FMNL3: variants seen among roughly 807,000 people sequenced by gnomAD.
FMNL3 encodes the protein formin-like protein 3.
FMNL3 carries 57 observed loss-of-function variants against 119.6 expected under a neutral mutation model. That is an observed-to-expected ratio of 0.48 (90% CI 0.39 to 0.59). The LOEUF (loss-of-function observed/expected upper bound fraction) is 0.59. FMNL3 is among the 20% of genes least tolerant of loss of function. The pLI, the probability that FMNL3 is intolerant of heterozygous loss-of-function variation, is 0.00. For synonymous variants in FMNL3, 491 were observed against 507.3 expected (o/e 0.97, Z 0.43); for missense variants, 1,053 against 1,323.5 (o/e 0.80, Z 3.17).
intron 11 of FMNL3, 111 bp from the exon 12 acceptor site, chr12:49,653,985 T>C: frequency 7.0e-7 from 1 of 1,427,998 alleles, no homozygotes. Context: ...TCCCAAAGAG[T>C]TCCTGCTGCA....
At chr12:49,702,810 T>C (rs1288284692) in intron 1 of FMNL3, among the ~76,000 whole-genome samples, 1 of 152,132 alleles carries the variant, frequency 6.6e-6, no homozygotes. Flanking sequence ...AGTTCTATTC[T>C]AGCCTGAACT....
At chr12:49,704,029 G>C (rs1258616294) in intron 1 of FMNL3, among the ~76,000 whole-genome samples, 1 of 152,114 alleles carries the variant, frequency 6.6e-6, no homozygotes, top group Non-Finnish European at 1.5e-5. Context: ...ACTGCTGAGA[G>C]GTACAAACTT....
rs7979760 is a variant in FMNL3 at position 49,671,742 on chromosome 12, T to C, written c.127-3188A>G. Among the ~76,000 whole-genome samples the C allele has an allele frequency of 3.7e-3, 566 of 152,310 alleles. 1 individual carries two copies. The highest frequency in any genetic ancestry group is 0.012 in the African/African-American group (518 of 41,564). On this transcript the variant is annotated intron_variant, in intron 1 of 25. Transcript: ENST00000335154. ...CACAGTTCCGGTCTCAGTCAAAAGTTTGTTTCCTTGACATTTTTTCTTCAG... is the reference window on the plus strand; with the variant it reads ...CACAGTTCCGGTCTCAGTCAAAAGTCTGTTTCCTTGACATTTTTTCTTCAG...
At chr12:49,701,450 AT>A (rs1944907358) in intron 1 of FMNL3, among the ~76,000 whole-genome samples, 1 of 152,216 alleles carries the variant, frequency 6.6e-6, no homozygotes, top group African/African-American at 2.4e-5. Context: ...AGCAAGTTCT[AT>A]TTTGAGTTTC....
rs573597206 is a variant in FMNL3 at position 49,648,229 on chromosome 12, T to G, written c.2640A>C (p.Lys880Asn). Reference sequence around the variant, plus strand: ...TGGCGTCCCGCTGGAGCTTGTCTAGTTTGCCTTCATTGGTACTGAGGAAGT... The same window carrying G: ...TGGCGTCCCGCTGGAGCTTGTCTAGGTTGCCTTCATTGGTACTGAGGAAGT... ...LRNFLSTNEGKLDKLQRDAKT... is the reference protein window; with the variant it reads ...LRNFLSTNEGNLDKLQRDAKT... The change falls in exon 22 of 26, where the codon AAA becomes AAC. Residue 880 changes from lysine to asparagine, a missense_variant. Lys to Asn is a moderately conservative substitution (Grantham distance 94, BLOSUM62 0). This residue lies in a region of FMNL3 where 324 missense variants were observed against 380.9 expected (regional missense o/e 0.85). Coordinates refer to ENST00000335154, the MANE Select transcript of FMNL3 (RefSeq NM_175736.5). 1.2e-6 allele frequency: 2 copies of G among 1,613,914 alleles called. No individual in the cohort carries two copies. Among genetic ancestry groups the G allele is most frequent in the Non-Finnish European group, 1.7e-6 (2 of 1,179,900 alleles).
chr12:49,659,263 C>T (rs1943665635), intron 5 of FMNL3, among the ~76,000 whole-genome samples: 4 of 152,132 alleles, frequency 2.6e-5, no homozygotes, highest in Admixed American at 1.3e-4. Flanking sequence ...TTCAGGTATA[C>T]AGGCTCCCTG....
intron 1 of FMNL3, among the ~76,000 whole-genome samples, chr12:49,692,794 G>A (rs931382035): frequency 6.6e-6 from 1 of 152,082 alleles, no homozygotes; most frequent in Non-Finnish European, 1.5e-5. Flanking sequence ...TCAAATAATT[G>A]TACAAGGGAA....
At chr12:49,656,699 AG>A (rs1943580110) in intron 8 of FMNL3, 123 bp downstream of exon 8, 1 of 1,005,410 alleles carries the variant, frequency 9.9e-7, no homozygotes, top group Non-Finnish European at 1.5e-6. Context: ...CCAGCAGAGG[AG>A]GGGGCCAAAC....
intron 1 of FMNL3, among the ~76,000 whole-genome samples, chr12:49,672,755 G>A (rs982377357): frequency 1.3e-5 from 2 of 152,210 alleles, no homozygotes; most frequent in African/African-American, 4.8e-5. Flanking sequence ...AATGCCGGTA[G>A]GGTTTGGAGT....
At position 49,647,765 on chromosome 12, in the gene FMNL3, G is replaced by T. The variant is rs370734619; in HGVS notation, c.2716C>A (p.Pro906Thr). ...AATACAGAAGGAGGTGTAGTCTTGGGACTCTCGCCAAAGTAGCGCACAACT... is the reference window on the plus strand; with the variant it reads ...AATACAGAAGGAGGTGTAGTCTTGGTACTCTCGCCAAAGTAGCGCACAACT... ...NAVVRYFGES[P>T]KTTPPSVFFP... The change falls in exon 23 of 26, where the codon CCC (proline) becomes ACC (threonine). Residue 906 changes from proline to threonine, a missense_variant. Pro to Thr is a conservative substitution (Grantham distance 38). Transcript: ENST00000335154. This position sits in a 1 kb window ranked among gnomAD's most constrained non-coding sequence, Gnocchi z 4.9. 2 of 1,613,982 alleles carry T rather than the reference G, an allele frequency of 1.2e-6. No individual in the cohort carries two copies. Among genetic ancestry groups the T allele is most frequent in the Admixed American group, 1.7e-5 (1 of 60,000 alleles).
intron 1 of FMNL3, among the ~76,000 whole-genome samples, chr12:49,687,138 G>T (rs962704129): frequency 2.1e-5 from 3 of 146,274 alleles, no homozygotes; most frequent in Middle Eastern, 3.6e-3. Flanking sequence ...TCTGTCTCCA[G>T]GCTGGAGTGC....
At position 49,638,118 on chromosome 12, in the gene FMNL3, A is replaced by T; in HGVS notation, c.*7697T>A. 2.7e-6 allele frequency: 1 copy of T among 369,946 alleles called. No individual in the cohort carries two copies. The highest frequency in any genetic ancestry group is 3.2e-5 in the South Asian group (1 of 31,596). 22.9% of individuals were successfully genotyped at this position (369,946 alleles called of 1,614,324 possible). ...TTGAACTGTGCATTTAGAAATTTGT[A>T]GGTGGAAGAGGTTGGAGTGTACACG... On this transcript the variant is annotated 3_prime_UTR_variant, in exon 26 of 26. Coordinates refer to ENST00000335154, the MANE Select transcript of FMNL3 (RefSeq NM_175736.5).
In FMNL3 at chr12:49,648,265, G is replaced by A. The variant is rs774075795; in HGVS notation, c.2604C>T (p.Ser868=). 12 of 1,613,878 alleles carry A rather than the reference G, an allele frequency of 7.4e-6. No homozygotes were observed. Among genetic ancestry groups the A allele is most frequent in the Middle Eastern group, 1.6e-4 (1 of 6,082 alleles). The change falls in exon 22 of 26, where the codon AGC becomes AGT. Residue 868 remains serine (S), a synonymous_variant. Transcript: ENST00000335154. ...IRRECSIHDN[S]VLRNFLSTNE... ...TGGTACTGAGGAAGTTCCGGAGGACGCTGTTGTCATGGATGCTGCACTCAC... is the reference window on the plus strand; with the variant it reads ...TGGTACTGAGGAAGTTCCGGAGGACACTGTTGTCATGGATGCTGCACTCAC...
chr12:49,659,564 C>T (rs1943673617), intron 5 of FMNL3, among the ~76,000 whole-genome samples: 1 of 152,098 alleles, frequency 6.6e-6, no homozygotes, highest in South Asian at 2.1e-4. Flanking sequence ...GTGCGTGCCA[C>T]CATGCCTGGC....
chr12:49,642,132 G>A lies in FMNL3; in HGVS notation c.*3683C>T. ...TATATTCCCAATTCAGGGGATGGTG[G>A]TAGAAGCCCAGACCCTAACTTTCCA... On this transcript the variant is annotated 3_prime_UTR_variant, in exon 26 of 26. Coordinates refer to ENST00000335154, the MANE Select transcript of FMNL3 (RefSeq NM_175736.5). The surrounding 1 kb of genome is among the most constrained non-coding windows in gnomAD (Gnocchi z 5.8). The A allele has an allele frequency of 5.0e-6, 8 of 1,604,480 alleles. No individual in the cohort carries two copies. The highest frequency in any genetic ancestry group is 1.7e-4 in the Middle Eastern group (1 of 6,040).
chr12:49,650,486 C>A (rs1458803535), intron 17 of FMNL3, among the ~76,000 whole-genome samples, 190 bp downstream of exon 17: 1 of 152,208 alleles, frequency 6.6e-6, no homozygotes, highest in Admixed American at 6.5e-5. Context: ...AGACTGAGAG[C>A]TCCTTGGGTG....
chr12:49,679,086 A>G (rs1289417382), intron 1 of FMNL3, among the ~76,000 whole-genome samples: 1 of 152,216 alleles, frequency 6.6e-6, no homozygotes, highest in Non-Finnish European at 1.5e-5. Flanking sequence ...CAGAACTGCG[A>G]TAAGCACTCT....
chr12:49,689,867 C>G (rs905827439), intron 1 of FMNL3, among the ~76,000 whole-genome samples: 1 of 152,136 alleles, frequency 6.6e-6, no homozygotes, highest in Admixed American at 6.5e-5. Flanking sequence ...CCTTAATTCC[C>G]TCCCATACAG....
intron 16 of FMNL3, 48 bp downstream of exon 16, chr12:49,651,120 A>G (rs752131266): frequency 1.4e-4 from 222 of 1,594,854 alleles, no homozygotes; most frequent in Non-Finnish European, 1.9e-4. Flanking sequence ...AAAGGCAACC[A>G]GGTCCCTAGC....
Sources: allele counts gnomAD v4.1 joint callset (sites outside exome capture counted in the v4.1 genomes callset), GRCh38; gene constraint gnomAD v4.1.1; regional missense constraint gnomAD v4.1.1; non-coding constraint Gnocchi (gnomAD v3.1); transcripts MANE v1.5; gene names NCBI Gene and HGNC (gene_info 2026-07-23, HGNC 2026-07-21).